SPIDR: variants seen among roughly 807,000 people sequenced by gnomAD.
SPIDR encodes the protein DNA repair-scaffolding protein.
Under a neutral mutation model 104.6 loss-of-function variants are expected in SPIDR, and 93 were observed. The ratio of observed to expected loss-of-function variants is 0.89; its 90% CI spans 0.75 to 1.06. SPIDR has a LOEUF of 1.06. Ranked by LOEUF, SPIDR falls within the 50% of genes least tolerant of loss-of-function variation. The pLI, the probability that SPIDR is intolerant of heterozygous loss-of-function variation, is 0.00. For missense variants in SPIDR, 1,154 were observed against 1,111.2 expected (o/e 1.04, Z -0.55); for synonymous variants, 431 against 416.9 (o/e 1.03, Z -0.41).
chr8:47,659,139 G>T (rs1240700819), intron 10 of SPIDR, among the ~76,000 whole-genome samples: 2 of 151,720 alleles, frequency 1.3e-5, no homozygotes, highest in African/African-American at 4.8e-5. Flanking sequence ...GTGCGCCTGT[G>T]GTCCCAGCTA....
At chr8:47,275,653 T>C (rs1360354480) in intron 1 of SPIDR, among the ~76,000 whole-genome samples, 1 of 152,214 alleles carries the variant, frequency 6.6e-6, no homozygotes, top group Non-Finnish European at 1.5e-5. Context: ...TTTACAGTTA[T>C]AACTGGAAGA....
chr8:47,344,581 A>G (rs2051480365), intron 5 of SPIDR, among the ~76,000 whole-genome samples: 1 of 152,220 alleles, frequency 6.6e-6, no homozygotes, highest in Non-Finnish European at 1.5e-5. Context: ...TTACAGTCTC[A>G]CCAACGGTGT....
In SPIDR at chr8:47,521,390, A is replaced by C. The variant is rs922905089; in HGVS notation, c.1098-74421A>C. ...TAAATGAAGAAATTACAGAACCTAC[A>C]TGGAAGATACCAGAAACAATACCCA... is the stretch of plus-strand genomic sequence containing the variant. On this transcript the variant is annotated intron_variant, in intron 8 of 19. Coordinates refer to ENST00000297423, the MANE Select transcript of SPIDR (RefSeq NM_001080394.4). Among the ~76,000 whole-genome samples the C allele has an allele frequency of 1.1e-4, 17 of 151,998 alleles. No homozygotes were observed. In the South Asian group the frequency reaches 3.5e-3, roughly 32 times the overall value.
chr8:47,663,781 A>G (rs896926949), intron 10 of SPIDR, among the ~76,000 whole-genome samples: 5 of 152,262 alleles, frequency 3.3e-5, no homozygotes, highest in African/African-American at 1.2e-4. Context: ...CTCACACGAC[A>G]CATGCTAATC....
chr8:47,632,618 G>C (rs985175970), intron 10 of SPIDR, among the ~76,000 whole-genome samples: 19 of 151,936 alleles, frequency 1.3e-4, no homozygotes, highest in African/African-American at 4.4e-4. Context: ...AACTCTAATG[G>C]TCCTCATTCC....
At chr8:47,410,660 TTTA>T (rs781927221) in intron 7 of SPIDR, among the ~76,000 whole-genome samples, 2 of 151,854 alleles carry the variant, frequency 1.3e-5, no homozygotes, top group African/African-American at 4.8e-5. Context: ...AGAAGTCTTT[TTTA>T]TTATTATTAT....
intron 10 of SPIDR, among the ~76,000 whole-genome samples, chr8:47,627,241 G>A (rs545036215): frequency 1.3e-5 from 2 of 152,230 alleles, no homozygotes; most frequent in South Asian, 4.1e-4. Context: ...ACTGTTGTGG[G>A]GTGGCGGGAG....
At chr8:47,303,051 T>C (rs1369785492) in intron 5 of SPIDR, among the ~76,000 whole-genome samples, 2 of 152,210 alleles carry the variant, frequency 1.3e-5, no homozygotes, top group Non-Finnish European at 2.9e-5. Flanking sequence ...GAGGTGAGTC[T>C]ACAGAGGCAG....
At chr8:47,521,962 G>C (rs991104225) in intron 8 of SPIDR, among the ~76,000 whole-genome samples, 1 of 151,126 alleles carries the variant, frequency 6.6e-6, no homozygotes, top group Admixed American at 6.6e-5. Context: ...TCAGGAGTTC[G>C]AGACCAGCCT....
chr8:47,441,079 A>G, intron 8 of SPIDR, among the ~76,000 whole-genome samples: 1 of 152,214 alleles, frequency 6.6e-6, no homozygotes, highest in East Asian at 1.9e-4. Context: ...ACTACTTTTG[A>G]GGAAAAGTTT....
chr8:47,337,597 A>G (rs1251769794), intron 5 of SPIDR, among the ~76,000 whole-genome samples: 2 of 139,886 alleles, frequency 1.4e-5, no homozygotes, highest in East Asian at 2.1e-4. Flanking sequence ...TGTTTTTAGT[A>G]TGTTTTTGGT....
intron 7 of SPIDR, among the ~76,000 whole-genome samples, chr8:47,413,178 C>T (rs2063771643): frequency 6.6e-6 from 1 of 152,230 alleles, no homozygotes; most frequent in Non-Finnish European, 1.5e-5. Flanking sequence ...TGGCTACTGG[C>T]GGCCTAAAAG....
At chr8:47,411,104 G>A (rs1332704827) in intron 7 of SPIDR, among the ~76,000 whole-genome samples, 1 of 152,118 alleles carries the variant, frequency 6.6e-6, no homozygotes, top group Non-Finnish European at 1.5e-5. Flanking sequence ...ATTGTGAATA[G>A]TGCCACAGTA....
chr8:47,451,899 A>G (rs1408262037), intron 8 of SPIDR, among the ~76,000 whole-genome samples: 1 of 152,140 alleles, frequency 6.6e-6, no homozygotes, highest in Non-Finnish European at 1.5e-5. Flanking sequence ...GCAATTAGCA[A>G]TCAAAACACA....
rs978668959 is a variant in SPIDR, at chr8:47,280,027, C to G, written c.189+10C>G. 1.6e-5 allele frequency: 26 copies of G among 1,610,838 alleles called. No homozygotes were observed. The Admixed American group carries it at 3.5e-4, about 22-fold the overall frequency. ...CACTTCTGGGAATCCGGTAAAGTAT[C>G]TGTAGAATTGTTTTCCCTGAATGCC... On this transcript the variant is annotated intron_variant, in intron 2 of 19. Transcript: ENST00000297423.
intron 1 of SPIDR, among the ~76,000 whole-genome samples, chr8:47,273,400 T>C (rs1430072792): frequency 2.0e-5 from 3 of 152,082 alleles, no homozygotes; most frequent in Non-Finnish European, 4.4e-5. Context: ...ATGGACATTA[T>C]AAAGGAATTC....
chr8:47,576,850 A>G (rs1268455557), intron 8 of SPIDR, among the ~76,000 whole-genome samples: 1 of 152,244 alleles, frequency 6.6e-6, no homozygotes, highest in East Asian at 1.9e-4. Flanking sequence ...AATGGATTCC[A>G]TTAGTTTAGG....
intron 5 of SPIDR, among the ~76,000 whole-genome samples, chr8:47,394,535 T>A (rs2061021474): frequency 6.6e-6 from 1 of 152,206 alleles, no homozygotes; most frequent in Non-Finnish European, 1.5e-5. Flanking sequence ...GGGGCAGTGC[T>A]CCTGTCATCT....
At chr8:47,461,601 C>T (rs751057226) in intron 8 of SPIDR, among the ~76,000 whole-genome samples, 26 of 152,178 alleles carry the variant, frequency 1.7e-4, no homozygotes, top group Non-Finnish European at 3.2e-4. Context: ...TGAGCCACTG[C>T]GCCCAGCCTG....
Sources: gnomAD v4.1 joint callset for allele counts (sites outside exome capture counted in the v4.1 genomes callset) on GRCh38, gnomAD v4.1.1 for gene constraint, MANE v1.5 for transcripts, NCBI Gene and HGNC (gene_info 2026-07-23, HGNC 2026-07-21) for gene names.